The following IFI6 variants were observed in gnomAD, a reference collection of about 807,000 sequenced individuals.
IFI6 encodes interferon alpha inducible protein 6.
In IFI6, 10 loss-of-function variants were observed where a neutral mutation model predicts 12.7. That is an observed-to-expected ratio of 0.79 (90% confidence interval 0.49 to 1.33). The LOEUF (loss-of-function observed/expected upper bound fraction) is 1.33, where lower values mean the gene tolerates loss of function less well. IFI6 is among the 40% of genes most tolerant of loss of function. The pLI is 0.00. For missense variants in IFI6, 154 were observed against 180.4 expected (o/e 0.85, Z 0.84); for synonymous variants, 89 against 86.2 (o/e 1.03, Z -0.18).
intron 1 of IFI6, among the ~76,000 whole-genome samples, chr1:27,671,379 ATTT>A (rs57090710): frequency 2.0e-4 from 26 of 131,334 alleles, no homozygotes; most frequent in East Asian, 8.7e-4. Flanking sequence ...CCAAGCCCAC[ATTT>A]TTTTTTTTTT....
chr1:27,667,235 C>A (rs2090358707), intron 4 of IFI6, among the ~76,000 whole-genome samples: 1 of 101,666 alleles, frequency 9.8e-6, no homozygotes, highest in Non-Finnish European at 1.8e-5. Flanking sequence ...GAGACCCCGT[C>A]TCTACAAAAA....
In IFI6 at chr1:27,668,365, G is replaced by A; in HGVS notation, c.159C>T (p.Val53=). 2.6e-6 allele frequency: 4 copies of A among 1,568,184 alleles called. No homozygotes were observed. Among genetic ancestry groups the A allele is most frequent in the Non-Finnish European group, 2.6e-6 (3 of 1,156,360 alleles). The change falls in exon 4 of 5, where the codon GTC becomes GTT. Residue 53 remains valine (V), a synonymous_variant. Transcript: ENST00000361157. ...TFMAVGGGLA[V]AGLPALGFTG... ...TGAAGCCCAGCGCGGGCAGCCCGGCGACTGCGAGTCCTGGAGGAACAGGAG... is the reference window on the plus strand; with the variant it reads ...TGAAGCCCAGCGCGGGCAGCCCGGCAACTGCGAGTCCTGGAGGAACAGGAG...
chr1:27,669,915 C>A (rs1216659512), intron 1 of IFI6: 1 of 153,046 alleles, frequency 6.5e-6, no homozygotes, highest in Non-Finnish European at 1.5e-5. Flanking sequence ...AGAAAGAAAG[C>A]ACAGAAGGGT....
At position 27,671,472 on chromosome 1, in the gene IFI6, C is replaced by A. The variant is rs186920905; in HGVS notation, c.-33+651G>T. Reference sequence around the variant, plus strand: ...CTCATCTCACTGCAAGCTCCACCTCCCAGGTTCATGCCATTCTCCTGCCTG... The same window carrying A: ...CTCATCTCACTGCAAGCTCCACCTCACAGGTTCATGCCATTCTCCTGCCTG... On this transcript the variant is annotated intron_variant, in intron 1 of 4. Coordinates refer to ENST00000361157, the MANE Select transcript of IFI6 (RefSeq NM_002038.4). Among the ~76,000 whole-genome samples, 153 of 151,536 alleles carry A rather than the reference C, an allele frequency of 1.0e-3. 1 individual carries two copies. The highest frequency in any genetic ancestry group is 3.5e-3 in the African/African-American group (145 of 41,212).
rs10649401 is a variant in IFI6 at position 27,666,289 on chromosome 1, C to CAA, written c.*90_*91dup. 115,035 of 250,566 alleles carry CAA rather than the reference C, an allele frequency of 0.46. 25,517 individuals are homozygous for CAA. The highest frequency in any genetic ancestry group is 0.57 in the African/African-American group (11,339 of 19,966). The allele number at this position is 250,566 out of a possible 1,614,324, so 15.5% of individuals were successfully genotyped here. ...TGGACAATATAGTGAGAACCCATCT[C>CAA]AAAAAAAAAAAAAAAAAAAAAAAGG... On this transcript the variant is annotated 3_prime_UTR_variant, in exon 5 of 5. Transcript: ENST00000361157.
At position 27,668,348 on chromosome 1, in the gene IFI6, AGCGC is replaced by A; in HGVS notation, c.172_175del (p.Ala58TrpfsTer17). The A allele has an allele frequency of 6.4e-7, 1 of 1,568,374 alleles. No homozygotes were observed. Among genetic ancestry groups the A allele is most frequent in the Non-Finnish European group, 8.6e-7 (1 of 1,156,920 alleles). Reference sequence around the variant, plus strand: ...CGCGATGCCGGCGCCGGTGAAGCCCAGCGCGGGCAGCCCGGCGACTGCGAGTCCT... The same window carrying A: ...CGCGATGCCGGCGCCGGTGAAGCCCAGGGCAGCCCGGCGACTGCGAGTCCT... On this transcript the variant is annotated frameshift_variant, in exon 4 of 5. Transcript: ENST00000361157. LOFTEE classifies it high-confidence loss of function.
Position 27,668,299 on chromosome 1 carries a change from C to CA in IFI6, c.224dup (p.Met76AspfsTer35). 6.3e-7 allele frequency: 1 copy of CA among 1,581,314 alleles called. No homozygotes were observed. Among genetic ancestry groups the CA allele is most frequent in the Non-Finnish European group, 8.6e-7 (1 of 1,166,816 alleles). On this transcript the variant is annotated frameshift_variant, in exon 4 of 5. Transcript: ENST00000361157. LOFTEE classifies it high-confidence loss of function. ...CATTCAGGATCGCAGACCAGCTCAT[C>CA]AGCGAGGCAGCCACCGAGTTGGCCG...
intron 4 of IFI6, among the ~76,000 whole-genome samples, 177 bp from the exon 5 acceptor site, chr1:27,666,652 A>T (rs2090354168): frequency 6.6e-6 from 1 of 152,158 alleles, no homozygotes; most frequent in East Asian, 1.9e-4. Context: ...CAAATCAGAG[A>T]TGTGTTTCAG....
At chr1:27,671,651 G>C (rs1021082099) in intron 1 of IFI6, among the ~76,000 whole-genome samples, 1 of 151,876 alleles carries the variant, frequency 6.6e-6, no homozygotes, top group African/African-American at 2.4e-5. Context: ...CTCCCAAAGT[G>C]CTGGGATTAC....
intron 4 of IFI6, among the ~76,000 whole-genome samples, chr1:27,666,812 T>C (rs2090355391): frequency 6.6e-6 from 1 of 152,164 alleles, no homozygotes; most frequent in Non-Finnish European, 1.5e-5. Context: ...GTCACAGCTA[T>C]GTGCCATGTG....
At chr1:27,670,945 A>G (rs1053307560) in intron 1 of IFI6, among the ~76,000 whole-genome samples, 1 of 152,210 alleles carries the variant, frequency 6.6e-6, no homozygotes, top group Non-Finnish European at 1.5e-5. Context: ...GTATGCCAGG[A>G]ACTGGGGGAT....
intron 4 of IFI6, among the ~76,000 whole-genome samples, chr1:27,666,860 G>A (rs138600730): frequency 3.3e-5 from 5 of 152,164 alleles, no homozygotes; most frequent in African/African-American, 1.2e-4. Context: ...GTGTCCCTGG[G>A]CTCGCCCACA....
intron 1 of IFI6, among the ~76,000 whole-genome samples, chr1:27,671,585 A>G (rs947175328): frequency 2.6e-5 from 4 of 151,620 alleles, no homozygotes; most frequent in African/African-American, 9.7e-5. Flanking sequence ...ACAGGGTTTC[A>G]CTGTGTTAGC....
At position 27,669,001 on chromosome 1, in the gene IFI6, TTACCCGCATC is replaced by T. The variant is rs1332934283; in HGVS notation, c.70+234_70+243del. ...CTTACCCACATCCTTACCTGCATCC[TTACCCGCATC>T]CTTACCCGCACCCTTACCTGCATCC... is the stretch of plus-strand genomic sequence containing the variant. On this transcript the variant is annotated intron_variant, in intron 2 of 4. Coordinates refer to ENST00000361157, the MANE Select transcript of IFI6 (RefSeq NM_002038.4). 7.1e-4 allele frequency among the ~76,000 whole-genome samples: 10 copies of T among 14,184 alleles called. 1 individual carries two copies. Among genetic ancestry groups the T allele is most frequent in the Admixed American group, 4.6e-3 (3 of 646 alleles). The allele number at this position is 14,184 out of a possible 152,430, so 9.3% of individuals were successfully genotyped here.
rs550942994 is a variant in IFI6 at position 27,668,156 on chromosome 1, A to G, written c.298+70T>C. Reference sequence around the variant, plus strand: ...AAATTACTTAATTCCTGAGTGCCTCAGTTTCCCCAGATGTATGATGAAAAT... The same window carrying G: ...AAATTACTTAATTCCTGAGTGCCTCGGTTTCCCCAGATGTATGATGAAAAT... On this transcript the variant is annotated intron_variant, in intron 4 of 4. Coordinates refer to ENST00000361157, the MANE Select transcript of IFI6 (RefSeq NM_002038.4). The G allele has an allele frequency of 1.2e-4, 152 of 1,320,146 alleles. 1 individual carries two copies. In the South Asian group the frequency reaches 2.3e-3, roughly 20 times the overall value. 81.8% of individuals were successfully genotyped at this position (1,320,146 alleles called of 1,614,324 possible). A position where few individuals can be genotyped will look rare whatever the true frequency, so the allele number is the denominator to read the frequency against.
intron 3 of IFI6, 34 bp from the exon 4 acceptor site, chr1:27,668,409 C>T (rs766141195): frequency 1.1e-5 from 17 of 1,583,096 alleles, no homozygotes; most frequent in South Asian, 9.2e-5. Flanking sequence ...GGAGCGTCCG[C>T]GGCAGAGGCC....
chr1:27,669,030 TGC>T (rs1557756255), intron 2 of IFI6, among the ~76,000 whole-genome samples: 1 of 148,158 alleles, frequency 6.7e-6, no homozygotes, highest in African/African-American at 2.5e-5. Flanking sequence ...CACCCTTACC[TGC>T]ATCCTTACCT....
chr1:27,669,000 C>G (rs2090379937), intron 2 of IFI6, among the ~76,000 whole-genome samples: 1 of 14,276 alleles, frequency 7.0e-5, no homozygotes, highest in Admixed American at 1.6e-3. Context: ...TACCTGCATC[C>G]TTACCCGCAT....
Position 27,672,114 on chromosome 1 carries a change from T to C in IFI6, c.-33+9A>G, listed in dbSNP as rs535498542. 6.6e-6 allele frequency: 1 copy of C among 152,332 alleles called. No individual in the cohort carries two copies. Among genetic ancestry groups the C allele is most frequent in the Non-Finnish European group, 1.5e-5 (1 of 68,050 alleles). The allele number at this position is 152,332 out of a possible 1,614,324, so 9.4% of individuals were successfully genotyped here. A position where few individuals can be genotyped will look rare whatever the true frequency, so the allele number is the denominator to read the frequency against. On this transcript the variant is annotated intron_variant, in intron 1 of 4. Transcript: ENST00000361157. ...CTTGATGCCCACACTTCATAGCTCC[T>C]GAGTTTACCTTGGAGGAGAGAAGAG...
Sources: allele counts gnomAD v4.1 joint callset (sites outside exome capture counted in the v4.1 genomes callset), GRCh38; gene constraint gnomAD v4.1.1; transcripts MANE v1.5; gene names NCBI Gene and HGNC (gene_info 2026-07-23, HGNC 2026-07-21).